MAP7D3: variants seen among roughly 807,000 people sequenced by gnomAD.
The protein encoded by MAP7D3 is MAP7 domain containing 3.
A neutral mutation model predicts 62.2 loss-of-function variants in MAP7D3; 45 were observed. That is an observed-to-expected ratio of 0.72 (90% CI 0.57 to 0.93). MAP7D3 has a LOEUF of 0.93. MAP7D3 is among the 40% of genes least tolerant of loss of function. The pLI is 0.00. For synonymous variants in MAP7D3, 288 were observed against 248.8 expected (o/e 1.16, Z -1.48); for missense variants, 711 against 683.1 (o/e 1.04, Z -0.45).
chrX:136,233,189 A>C (rs1418181581), intron 7 of MAP7D3, among the ~76,000 whole-genome samples: 1 of 111,572 alleles, frequency 9.0e-6, no homozygotes. Context: ...ATGCAAAGAA[A>C]AATATGAAGT....
intron 6 of MAP7D3, among the ~76,000 whole-genome samples, chrX:136,238,810 T>TAA (rs2074357926): frequency 8.9e-6 from 1 of 112,086 alleles, no homozygotes; most frequent in Non-Finnish European, 1.9e-5. Context: ...TTCAACATAT[T>TAA]AAAAACTATA....
chrX:136,234,011 C>T (rs2074302450), intron 7 of MAP7D3, among the ~76,000 whole-genome samples: 1 of 110,605 alleles, frequency 9.0e-6, no homozygotes, highest in Admixed American at 9.8e-5. Context: ...AGAAAATAAC[C>T]TGACATACAC....
At chrX:136,233,635 TAAAAAAAAAA>T (rs151267120) in intron 7 of MAP7D3, among the ~76,000 whole-genome samples, 1 of 30,590 alleles carries the variant, frequency 3.3e-5, no homozygotes, top group Non-Finnish European at 5.3e-5. Context: ...TAAATTAAAC[TAAAAAAAAAA>T]AAAAAAAAAA....
intron 4 of MAP7D3, among the ~76,000 whole-genome samples, chrX:136,241,679 T>C (rs1055090699): frequency 9.0e-6 from 1 of 111,264 alleles, no homozygotes; most frequent in East Asian, 2.8e-4. Flanking sequence ...TGGTGTGGTA[T>C]GTATTTTTAA....
chrX:136,231,654 T>G lies in MAP7D3; in HGVS notation c.1303A>C (p.Lys435Gln). 8.3e-7 allele frequency: 1 copy of G among 1,205,460 alleles called. No individual in the cohort carries two copies. ...TCAGGAGATGCCTCCATGCTCTCCT[T>G]GGGTGACCCTTTCACACTCTCCTTG... is the stretch of plus-strand genomic sequence containing the variant. ...APKESVKGSP[K>Q]ESMEASPEAM... The change falls in exon 8 of 19, where the codon AAG becomes CAG. Residue 435 changes from lysine (K) to glutamine (Q), a missense_variant. Lys to Gln is a moderately conservative substitution (Grantham distance 53). Coordinates refer to ENST00000316077, the MANE Select transcript of MAP7D3 (RefSeq NM_024597.4).
chrX:136,219,767 C>T lies in MAP7D3; in HGVS notation c.2487-96G>A, dbSNP rs772118592. The T allele has an allele frequency of 1.1e-5, 7 of 663,786 alleles. No individual in the cohort carries two copies. In the East Asian group the frequency reaches 2.2e-4, roughly 21 times the overall value. 54.7% of individuals were successfully genotyped at this position (663,786 alleles called of 1,213,427 possible). ...TCCTTTAATTAACTTCTAAGAAATGCCTTGGAATTAAAAAACATTTCAGAA... is the reference window on the plus strand; with the variant it reads ...TCCTTTAATTAACTTCTAAGAAATGTCTTGGAATTAAAAAACATTTCAGAA... On this transcript the variant is annotated intron_variant, in intron 16 of 18. Transcript: ENST00000316077.
At chrX:136,231,267 T>C (rs2074264210) in intron 8 of MAP7D3, 1 of 333,851 alleles carries the variant, frequency 3.0e-6, no homozygotes, top group African/African-American at 2.7e-5. Context: ...TCAAAAAACA[T>C]TTCTTCAGAG....
intron 15 of MAP7D3, among the ~76,000 whole-genome samples, chrX:136,221,561 G>A (rs1004016033): frequency 7.1e-4 from 80 of 111,994 alleles, no homozygotes; most frequent in Non-Finnish European, 1.2e-3. Context: ...TCCTGACCTC[G>A]TGATCCGCCC....
Position 136,219,606 on chromosome X carries a change from G to A in MAP7D3, c.2552C>T (p.Thr851Ile). The change falls in exon 17 of 19, where the codon ACC becomes ATC. Residue 851 changes from threonine to isoleucine, a missense_variant. By Grantham distance (89) the Thr-to-Ile change is moderately conservative. Coordinates refer to ENST00000316077, the MANE Select transcript of MAP7D3 (RefSeq NM_024597.4). ...ATTCATACTAACAGAGGATCTGCTG[G>A]TGGTGTTGGTTTCATCCGCCTTTCT... Reference protein sequence around the residue: ...KTRKADETNTTSRSSAQTKSE... With the variant: ...KTRKADETNTISRSSAQTKSE... The A allele has an allele frequency of 8.3e-7, 1 of 1,203,689 alleles. No homozygotes were observed. The highest frequency in any genetic ancestry group is 1.1e-6 in the Non-Finnish European group (1 of 888,079).
chrX:136,246,384 G>A, intron 1 of MAP7D3, 43 bp from the exon 2 acceptor site: 1 of 884,289 alleles, frequency 1.1e-6, no homozygotes, highest in Non-Finnish European at 1.6e-6. Flanking sequence ...TAAGAATACG[G>A]ATAGCTAACA....
At position 136,230,976 on chromosome X, in the gene MAP7D3, T is replaced by A; in HGVS notation, c.1414-10A>T. ...TGTCCATTTCTGATTTCTGAACAGATAAACACAGTATGGTAAATTACTAAC... is the reference window on the plus strand; with the variant it reads ...TGTCCATTTCTGATTTCTGAACAGAAAAACACAGTATGGTAAATTACTAAC... On this transcript the variant is annotated splice_polypyrimidine_tract_variant and intron_variant, in intron 8 of 18. Coordinates refer to ENST00000316077, the MANE Select transcript of MAP7D3 (RefSeq NM_024597.4). 1.7e-6 allele frequency: 2 copies of A among 1,170,900 alleles called. No individual in the cohort carries two copies. Among genetic ancestry groups the A allele is most frequent in the Non-Finnish European group, 2.3e-6 (2 of 870,754 alleles).
chrX:136,243,956 C>G (rs1385948792), intron 4 of MAP7D3, among the ~76,000 whole-genome samples: 1 of 111,530 alleles, frequency 9.0e-6, no homozygotes, highest in Non-Finnish European at 1.9e-5. Flanking sequence ...AACAAAGCCA[C>G]AGACTCATCC....
At chrX:136,238,656 T>C (rs1008177719) in intron 6 of MAP7D3, among the ~76,000 whole-genome samples, 1 of 111,377 alleles carries the variant, frequency 9.0e-6, no homozygotes, top group Non-Finnish European at 1.9e-5. Context: ...TGAACTTTTC[T>C]CAGACCAATA....
chrX:136,254,408 T>C (rs760879963), upstream of MAP7D3, among the ~76,000 whole-genome samples: 1 of 111,252 alleles, frequency 9.0e-6, no homozygotes, highest in Non-Finnish European at 1.9e-5. Context: ...TCTAGAAGTT[T>C]GTCTTCAACT....
rs1414021866 is a variant in MAP7D3, at chrX:136,246,258, A to G, written c.154T>C (p.Ser52Pro). Residue 52 changes from serine to proline, a missense_variant, in exon 2 of 19, where the codon TCG becomes CCG. Coordinates refer to ENST00000316077, the MANE Select transcript of MAP7D3 (RefSeq NM_024597.4). ...RVATHSSNIR[S>P]TFKPVIDGSM... is the part of the protein sequence containing the mutation. Reference sequence around the variant, plus strand: ...GAAATTATACCTGGTTTAAATGTCGATCTTATATTTGAGGAATGGGTTGCA... The same window carrying G: ...GAAATTATACCTGGTTTAAATGTCGGTCTTATATTTGAGGAATGGGTTGCA... 8.4e-7 allele frequency: 1 copy of G among 1,195,572 alleles called. No homozygotes were observed.
At chrX:136,224,796 T>C in intron 14 of MAP7D3, 31 bp downstream of exon 14, 1 of 1,060,679 alleles carries the variant, frequency 9.4e-7, no homozygotes, top group Non-Finnish European at 1.3e-6. Flanking sequence ...GAGGCATTCT[T>C]ATACACTGCT....
At chrX:136,247,234 T>G (rs763980183) in intron 1 of MAP7D3, among the ~76,000 whole-genome samples, 1 of 111,665 alleles carries the variant, frequency 9.0e-6, no homozygotes, top group South Asian at 3.7e-4. Flanking sequence ...CACACATGAG[T>G]TATTATAGGG....
intron 1 of MAP7D3, among the ~76,000 whole-genome samples, chrX:136,248,776 T>C (rs1296407028): frequency 8.9e-6 from 1 of 112,483 alleles, no homozygotes; most frequent in African/African-American, 3.2e-5. Context: ...AAAGTGGACG[T>C]AATTATTTTC....
At chrX:136,224,193 G>A (rs1488842249) in intron 14 of MAP7D3, among the ~76,000 whole-genome samples, 1 of 109,423 alleles carries the variant, frequency 9.1e-6, no homozygotes, top group African/African-American at 3.3e-5. Context: ...CTAAGGTCAG[G>A]ATTTCGAGAC....
Sources: allele counts gnomAD v4.1 joint callset (sites outside exome capture counted in the v4.1 genomes callset), GRCh38; gene constraint gnomAD v4.1.1; transcripts MANE v1.5; gene names NCBI Gene and HGNC (gene_info 2026-07-23, HGNC 2026-07-21).